Variants in DYRK1A observed in about 807,000 individuals in gnomAD.
DYRK1A encodes dual specificity tyrosine-phosphorylation-regulated kinase 1A.
A neutral mutation model predicts 79.7 loss-of-function variants in DYRK1A; 9 were observed. That is an observed-to-expected ratio of 0.11 (90% CI 0.07 to 0.20). The LOEUF (loss-of-function observed/expected upper bound fraction) is 0.20. Among genes scored for constraint, DYRK1A ranks in the 10% least tolerant of loss-of-function variants. The pLI, the probability that DYRK1A is intolerant of heterozygous loss-of-function variation, is 1.00. For synonymous variants in DYRK1A, 349 were observed against 329.7 expected (o/e 1.06, Z -0.63); for missense variants, 622 against 956.0 (o/e 0.65, Z 4.61).
intron 1 of DYRK1A, chr21:37,368,217 C>T (rs923917776): frequency 6.6e-6 from 1 of 152,000 alleles, no homozygotes; most frequent in Non-Finnish European, 1.5e-5. Flanking sequence ...GCGGGGAGCG[C>T]GAGTGTCCCC....
intron 9 of DYRK1A, 124 bp downstream of exon 9, chr21:37,496,382 T>C: frequency 1.1e-6 from 1 of 943,892 alleles, no homozygotes; most frequent in Non-Finnish European, 1.6e-6. Context: ...ATTGATACCT[T>C]ACATAGATAT....
chr21:37,374,869 A>T (rs762853538), intron 1 of DYRK1A, among the ~76,000 whole-genome samples: 1 of 152,178 alleles, frequency 6.6e-6, no homozygotes, highest in South Asian at 2.1e-4. Flanking sequence ...TGTTTTCTTA[A>T]GGACTCCAGG....
chr21:37,374,215 T>G (rs572317297), intron 1 of DYRK1A, among the ~76,000 whole-genome samples: 5 of 152,004 alleles, frequency 3.3e-5, no homozygotes, highest in South Asian at 4.2e-4. Context: ...ACTGAATGTC[T>G]TCTTGCTCAT....
At chr21:37,445,738 T>C (rs1247842914) in intron 2 of DYRK1A, among the ~76,000 whole-genome samples, 1 of 152,198 alleles carries the variant, frequency 6.6e-6, no homozygotes, top group Non-Finnish European at 1.5e-5. Flanking sequence ...GTAACAGTTT[T>C]TCCATATCAA....
At chr21:37,389,457 T>A (rs2148383768) in intron 1 of DYRK1A, among the ~76,000 whole-genome samples, 1 of 152,334 alleles carries the variant, frequency 6.6e-6, no homozygotes, top group East Asian at 1.9e-4. Context: ...TGAGCTACTG[T>A]GCTGCCTTAA....
intron 2 of DYRK1A, among the ~76,000 whole-genome samples, chr21:37,452,757 G>GTTTTTTTTTTTT (rs35209884): frequency 1.0e-5 from 1 of 96,548 alleles, no homozygotes; most frequent in African/African-American, 3.9e-5. Flanking sequence ...TCACACTCCC[G>GTTTTTTTTTTTT]TTTTTTTTTT....
intron 2 of DYRK1A, among the ~76,000 whole-genome samples, chr21:37,440,833 G>A (rs374411088): frequency 6.6e-6 from 1 of 152,060 alleles, no homozygotes; most frequent in Non-Finnish European, 1.5e-5. Context: ...TGTCTATCTT[G>A]GTTAAAGTTG....
chr21:37,490,756 C>T (rs1164559206), intron 7 of DYRK1A, among the ~76,000 whole-genome samples: 1 of 151,524 alleles, frequency 6.6e-6, no homozygotes, highest in Non-Finnish European at 1.5e-5. Context: ...ATGCAAATAG[C>T]AATACTTTGA....
chr21:37,399,406 A>G (rs1480747980), intron 1 of DYRK1A, among the ~76,000 whole-genome samples: 1 of 152,170 alleles, frequency 6.6e-6, no homozygotes, highest in Admixed American at 6.5e-5. Flanking sequence ...TGGAGGATGC[A>G]GGCAGGGAAA....
chr21:37,377,860 A>G (rs540934785), intron 1 of DYRK1A, among the ~76,000 whole-genome samples: 2 of 152,306 alleles, frequency 1.3e-5, no homozygotes, highest in South Asian at 2.1e-4. Flanking sequence ...GCTCTTTTAA[A>G]CAATGCTGGT....
In DYRK1A at chr21:37,472,803, C is replaced by T. The variant is rs758573762; in HGVS notation, c.130C>T (p.Arg44Cys). 9 of 1,610,374 alleles carry T rather than the reference C, an allele frequency of 5.6e-6. No individual in the cohort carries two copies. Among genetic ancestry groups the T allele is most frequent in the Admixed American group, 1.7e-5 (1 of 59,870 alleles). The change falls in exon 3 of 12, where the codon CGC becomes TGC. Residue 44 changes from arginine to cysteine, a missense_variant. Transcript: ENST00000647188. ...MPHSHQYSDR[R>C]QPNISDQQVS... ...CCATTCACATCAGTACAGTGACCGT[C>T]GCCAGCCAAACATAAGTGACCAACA... is the stretch of plus-strand genomic sequence containing the variant.
Position 37,512,537 on chromosome 21 carries a change from T to C in DYRK1A, c.*6T>C, listed in dbSNP as rs112381631. 2 of 1,603,650 alleles carry C rather than the reference T, an allele frequency of 1.2e-6. No individual in the cohort carries two copies. Among genetic ancestry groups the C allele is most frequent in the Non-Finnish European group, 8.5e-7 (1 of 1,172,524 alleles). ...GTCCTGTAGCTAGCTCGTGACTACA[T>C]TGAAACTTGAGTTTGTTTCTTGTGT... On this transcript the variant is annotated 3_prime_UTR_variant, in exon 12 of 12. Transcript: ENST00000647188.
chr21:37,491,433 T>C (rs537957993), intron 7 of DYRK1A, among the ~76,000 whole-genome samples: 36 of 152,308 alleles, frequency 2.4e-4, no homozygotes, highest in Non-Finnish European at 4.3e-4. Flanking sequence ...CAGATGTTAA[T>C]TTTTCTTACT....
chr21:37,475,285 G>C (rs1251423476), intron 3 of DYRK1A, among the ~76,000 whole-genome samples: 1 of 152,158 alleles, frequency 6.6e-6, no homozygotes, highest in East Asian at 1.9e-4. Flanking sequence ...TGAGCTCCTG[G>C]GTCCTCTGAA....
intron 1 of DYRK1A, among the ~76,000 whole-genome samples, chr21:37,382,471 C>T (rs1427024358): frequency 6.6e-6 from 1 of 152,042 alleles, no homozygotes. Flanking sequence ...ATTTCTTGAA[C>T]TTAGTTTTGG....
intron 1 of DYRK1A, among the ~76,000 whole-genome samples, chr21:37,378,960 C>G (rs1209395556): frequency 6.6e-6 from 1 of 151,990 alleles, no homozygotes; most frequent in Non-Finnish European, 1.5e-5. Flanking sequence ...GAGGACTTGA[C>G]AGTCTATTGG....
In DYRK1A at chr21:37,514,908, T is replaced by C. The variant is rs1010628041; in HGVS notation, c.*2377T>C. The C allele has an allele frequency of 1.3e-5, 2 of 152,628 alleles. No individual in the cohort carries two copies. Among genetic ancestry groups the C allele is most frequent in the African/African-American group, 4.8e-5 (2 of 41,444 alleles). 9.5% of individuals were successfully genotyped at this position (152,628 alleles called of 1,614,324 possible). ...AACTAAAGCAGTTTTTAAACCGATA[T>C]TTACGTAAAGAAAATCATAAAATCC... On this transcript the variant is annotated 3_prime_UTR_variant, in exon 12 of 12. Transcript: ENST00000647188.
intron 1 of DYRK1A, among the ~76,000 whole-genome samples, chr21:37,378,589 T>G (rs1052371652): frequency 3.3e-5 from 5 of 152,338 alleles, no homozygotes; most frequent in Middle Eastern, 3.4e-3. Context: ...CTCTGTTGAT[T>G]GAATAACTGA....
chr21:37,520,576 C>T lies in DYRK1A; in HGVS notation c.*8045C>T, dbSNP rs1331822000. On this transcript the variant is annotated 3_prime_UTR_variant, in exon 12 of 12. Transcript: ENST00000647188. ...CTTAGGATAAAAGTCTGTTTGTTTGCATTAGACTATACATGATTTGCATTA... is the reference window on the plus strand; with the variant it reads ...CTTAGGATAAAAGTCTGTTTGTTTGTATTAGACTATACATGATTTGCATTA... 2.0e-5 allele frequency: 3 copies of T among 152,162 alleles called. No homozygotes were observed. Among genetic ancestry groups the T allele is most frequent in the Non-Finnish European group, 4.4e-5 (3 of 68,028 alleles). 9.4% of individuals were successfully genotyped at this position (152,162 alleles called of 1,614,324 possible). A position where few individuals can be genotyped will look rare whatever the true frequency, so the allele number is the denominator to read the frequency against.
Sources: allele counts gnomAD v4.1 joint callset (sites outside exome capture counted in the v4.1 genomes callset), GRCh38; gene constraint gnomAD v4.1.1; transcripts MANE v1.5; gene names NCBI Gene and HGNC (gene_info 2026-07-23, HGNC 2026-07-21).